MAPKAPK5: variants seen among roughly 807,000 people sequenced by gnomAD.
MAPKAPK5 encodes MAP kinase-activated protein kinase 5.
MAPKAPK5 carries 30 observed loss-of-function variants against 65.1 expected under a neutral mutation model. That is an observed-to-expected ratio of 0.46 (90% CI 0.34 to 0.63). The LOEUF (loss-of-function observed/expected upper bound fraction) is 0.63. MAPKAPK5 is among the 20% of genes least tolerant of loss of function. The pLI is 0.01. For missense variants in MAPKAPK5, 433 were observed against 581.4 expected (o/e 0.74, Z 2.63); for synonymous variants, 179 against 204.6 (o/e 0.87, Z 1.07).
intron 1 of MAPKAPK5, among the ~76,000 whole-genome samples, chr12:111,856,920 A>T (rs1334861759): frequency 6.6e-6 from 1 of 152,156 alleles, no homozygotes; most frequent in Non-Finnish European, 1.5e-5. Flanking sequence ...TCTTGATCCA[A>T]GTTACTATCT....
chr12:111,853,230 G>A (rs935914811), intron 1 of MAPKAPK5, among the ~76,000 whole-genome samples: 15 of 152,134 alleles, frequency 9.9e-5, no homozygotes, highest in South Asian at 8.3e-4. Flanking sequence ...AAACTAGCCA[G>A]GCGTGGTGGC....
chr12:111,887,293 CA>C (rs1239135205), intron 10 of MAPKAPK5, among the ~76,000 whole-genome samples: 1 of 152,092 alleles, frequency 6.6e-6, no homozygotes, highest in Non-Finnish European at 1.5e-5. Context: ...TCCTGTTGTC[CA>C]GAAATGGTTT....
chr12:111,866,299 G>T, intron 3 of MAPKAPK5, 68 bp downstream of exon 3: 1 of 1,410,978 alleles, frequency 7.1e-7, no homozygotes. Flanking sequence ...TGCAAGTAAG[G>T]CAGCTTCCTA....
rs1434022083 is a variant in MAPKAPK5, at chr12:111,894,697, T to G, written c.*1636T>G. On this transcript the variant is annotated 3_prime_UTR_variant, in exon 14 of 14. Transcript: ENST00000550735. ...CGAGAGCAGCTGTTTGAAGGAAAAATAAGGCTAGGTCCTTTTTTAGTTTTC... is the reference window on the plus strand; with the variant it reads ...CGAGAGCAGCTGTTTGAAGGAAAAAGAAGGCTAGGTCCTTTTTTAGTTTTC... 1 of 152,046 alleles carries G rather than the reference T, an allele frequency of 6.6e-6. No individual in the cohort carries two copies. Among genetic ancestry groups the G allele is most frequent in the Non-Finnish European group, 1.5e-5 (1 of 68,060 alleles). The allele number at this position is 152,046 out of a possible 1,614,324, so 9.4% of individuals were successfully genotyped here.
At position 111,883,341 on chromosome 12, in the gene MAPKAPK5, C is replaced by T. The variant is rs1368926480; in HGVS notation, c.661-240C>T. ...GTTGCAGTGAGCTGAGATTACGCCACTGCACTCCAGCCTGGGCAACAGAGC... is the reference window on the plus strand; with the variant it reads ...GTTGCAGTGAGCTGAGATTACGCCATTGCACTCCAGCCTGGGCAACAGAGC... On this transcript the variant is annotated intron_variant, in intron 8 of 13. Coordinates refer to ENST00000550735, the MANE Select transcript of MAPKAPK5 (RefSeq NM_003668.4). The surrounding 1 kb of genome is among the most constrained non-coding windows in gnomAD (Gnocchi z 4.8). 2.0e-5 allele frequency among the ~76,000 whole-genome samples: 3 copies of T among 151,968 alleles called. No homozygotes were observed. The highest frequency in any genetic ancestry group is 7.3e-5 in the African/African-American group (3 of 41,360).
At chr12:111,862,098 ATTAAAATATGTGAGAAAAT>A (rs557660924) in intron 1 of MAPKAPK5, among the ~76,000 whole-genome samples, 2,700 of 152,248 alleles carry the variant, frequency 0.018, 88 homozygotes, top group African/African-American at 0.06. Context: ...CTCCTTTGTC[ATTAAAATATGTGAGAAAAT>A]GTGCCAGCCG....
At position 111,896,678 on chromosome 12, in the gene MAPKAPK5, T is replaced by C. The variant is rs556953680; in HGVS notation, c.*3617T>C. Reference sequence around the variant, plus strand: ...ATGCTCTCCTGTTTGCCTACATGATTTATTAACCTTCTGCTTACTAAAGCC... The same window carrying C: ...ATGCTCTCCTGTTTGCCTACATGATCTATTAACCTTCTGCTTACTAAAGCC... On this transcript the variant is annotated 3_prime_UTR_variant, in exon 14 of 14. Transcript: ENST00000550735. 2.0e-4 allele frequency: 31 copies of C among 152,360 alleles called. No homozygotes were observed. The highest frequency in any genetic ancestry group is 7.2e-4 in the African/African-American group (30 of 41,578). The allele number at this position is 152,360 out of a possible 1,614,324, so 9.4% of individuals were successfully genotyped here. A position where few individuals can be genotyped will look rare whatever the true frequency, so the allele number is the denominator to read the frequency against.
intron 6 of MAPKAPK5, 37 bp from the exon 7 acceptor site, chr12:111,871,048 A>G (rs1217696282): frequency 1.3e-6 from 2 of 1,504,048 alleles, no homozygotes; most frequent in South Asian, 1.1e-5. Context: ...TTTACTGAGC[A>G]CTCTGGAGCA....
rs759333603 is a variant in MAPKAPK5, at chr12:111,880,437, C to T, written c.580-10C>T. 2 of 1,612,858 alleles carry T rather than the reference C, an allele frequency of 1.2e-6. No individual in the cohort carries two copies. The highest frequency in any genetic ancestry group is 2.2e-5 in the East Asian group (1 of 44,894). On this transcript the variant is annotated splice_polypyrimidine_tract_variant and intron_variant, in intron 7 of 13. Transcript: ENST00000550735. ...CATTAAATGGTCCCCTTTGGTCTGA[C>T]TCTTGACAGGTACTGGAGGCGCAAA...
intron 11 of MAPKAPK5, 57 bp downstream of exon 11, chr12:111,888,675 T>C (rs1593184492): frequency 8.8e-6 from 14 of 1,593,536 alleles, no homozygotes; most frequent in Non-Finnish European, 1.1e-5. Flanking sequence ...GAGTACTGGG[T>C]TCTGAAATTT....
chr12:111,842,879 G>A, intron 1 of MAPKAPK5, 110 bp downstream of exon 1: 1 of 1,096,336 alleles, frequency 9.1e-7, no homozygotes, highest in Non-Finnish European at 1.2e-6. Context: ...CGACTACCGG[G>A]TTTCGGCCTC....
Position 111,868,754 on chromosome 12 carries a change from G to A in MAPKAPK5, c.286G>A (p.Ala96Thr). ...VQFPHESSPR[A>T]RLLIVMEMME... ...ACAAAATCAAATGCTTTCAAACAGGGCCCGACTCTTAATTGTAATGGAGAT... is the reference window on the plus strand; with the variant it reads ...ACAAAATCAAATGCTTTCAAACAGGACCCGACTCTTAATTGTAATGGAGAT... Residue 96 changes from alanine to threonine, a missense_variant and splice_region_variant, in exon 5 of 14, where the codon GCC becomes ACC. Physicochemically the swap from Ala to Thr is moderately conservative, Grantham distance 58 (BLOSUM62 0). Around this residue, in one of 3 missense-constraint regions of MAPKAPK5, gnomAD observed 165 missense variants for 180.0 expected, o/e 0.92. Coordinates refer to ENST00000550735, the MANE Select transcript of MAPKAPK5 (RefSeq NM_003668.4). The A allele has an allele frequency of 6.5e-7, 1 of 1,548,050 alleles. No individual in the cohort carries two copies. The highest frequency in any genetic ancestry group is 8.7e-7 in the Non-Finnish European group (1 of 1,144,106).
intron 1 of MAPKAPK5, among the ~76,000 whole-genome samples, chr12:111,861,683 G>A (rs2069441790): frequency 6.6e-6 from 1 of 152,128 alleles, no homozygotes; most frequent in Admixed American, 6.6e-5. Flanking sequence ...AGTTATTGTT[G>A]AGATCCAGCA....
Position 111,901,244 on chromosome 12 carries a change from T to A in MAPKAPK5, c.*8183T>A. 2.2e-6 allele frequency: 1 copy of A among 456,048 alleles called. No individual in the cohort carries two copies. The highest frequency in any genetic ancestry group is 1.5e-5 in the South Asian group (1 of 64,562). The allele number at this position is 456,048 out of a possible 1,614,324, so 28.3% of individuals were successfully genotyped here. A position where few individuals can be genotyped will look rare whatever the true frequency, so the allele number is the denominator to read the frequency against. On this transcript the variant is annotated 3_prime_UTR_variant, in exon 14 of 14. Transcript: ENST00000550735. ...CCTGCACAGATAAAACCCCAGTGAT[T>A]TCTGCCTGCAACCCAGAAAAAACGT...
In MAPKAPK5 at chr12:111,901,806, T is replaced by C. The variant is rs2071074954; in HGVS notation, c.*8745T>C. ...TAGAAATAGATAGCTTTAGTGGCTC[T>C]GACTCAGATATACTGATGTAGAAGG... is the stretch of plus-strand genomic sequence containing the variant. On this transcript the variant is annotated 3_prime_UTR_variant, in exon 14 of 14. Coordinates refer to ENST00000550735, the MANE Select transcript of MAPKAPK5 (RefSeq NM_003668.4). 1.2e-5 allele frequency: 2 copies of C among 169,536 alleles called. No individual in the cohort carries two copies. Among genetic ancestry groups the C allele is most frequent in the Admixed American group, 1.1e-4 (2 of 17,494 alleles). The allele number at this position is 169,536 out of a possible 1,614,324, so 10.5% of individuals were successfully genotyped here. A position where few individuals can be genotyped will look rare whatever the true frequency, so the allele number is the denominator to read the frequency against.
At chr12:111,872,335 TA>T in intron 7 of MAPKAPK5, among the ~76,000 whole-genome samples, 1 of 152,326 alleles carries the variant, frequency 6.6e-6, no homozygotes, top group Middle Eastern at 3.4e-3. Flanking sequence ...ATTACTTCAT[TA>T]TAGTTTTAAT....
At chr12:111,869,590 G>T (rs1354016168) in intron 5 of MAPKAPK5, among the ~76,000 whole-genome samples, 2 of 152,164 alleles carry the variant, frequency 1.3e-5, no homozygotes, top group African/African-American at 4.8e-5. Context: ...CTCCTTTCTG[G>T]TAGGGAGGAA....
intron 1 of MAPKAPK5, 52 bp from the exon 2 acceptor site, chr12:111,865,198 T>A (rs2069560467): frequency 8.5e-7 from 1 of 1,176,458 alleles, no homozygotes; most frequent in South Asian, 1.3e-5. Context: ...GCTTATTCAG[T>A]TTGTTAACTG....
Position 111,901,332 on chromosome 12 carries a change from C to G in MAPKAPK5, c.*8271C>G. ...CCACTGTAATGAAGGGCATGCCCCC[C>G]CTGACTGTGTTACTGCAGGAAGTGG... On this transcript the variant is annotated 3_prime_UTR_variant, in exon 14 of 14. Transcript: ENST00000550735. 1 of 456,028 alleles carries G rather than the reference C, an allele frequency of 2.2e-6. No homozygotes were observed. 28.2% of individuals were successfully genotyped at this position (456,028 alleles called of 1,614,324 possible). A position where few individuals can be genotyped will look rare whatever the true frequency, so the allele number is the denominator to read the frequency against.
Sources: allele counts gnomAD v4.1 joint callset (sites outside exome capture counted in the v4.1 genomes callset), GRCh38; gene constraint gnomAD v4.1.1; regional missense constraint gnomAD v4.1.1; non-coding constraint Gnocchi (gnomAD v3.1); transcripts MANE v1.5; gene names NCBI Gene and HGNC (gene_info 2026-07-23, HGNC 2026-07-21).